RPS6KA2: variants seen among roughly 807,000 people sequenced by gnomAD.
RPS6KA2 encodes ribosomal protein S6 kinase alpha-2.
A neutral mutation model predicts 91.8 loss-of-function variants in RPS6KA2; 42 were observed. The observed-to-expected ratio is 0.46, with a 90% CI of 0.36 to 0.59. RPS6KA2 has a LOEUF of 0.59. Among genes scored for constraint, RPS6KA2 ranks in the 20% least tolerant of loss-of-function variants. The pLI, the probability that RPS6KA2 is intolerant of heterozygous loss-of-function variation, is 0.00. For synonymous variants in RPS6KA2, 414 were observed against 393.6 expected (o/e 1.05, Z -0.61); for missense variants, 798 against 978.5 (o/e 0.82, Z 2.46).
At position 166,447,948 on chromosome 6, in the gene RPS6KA2, T is replaced by A. The variant is rs954109321; in HGVS notation, c.1332+776A>T. Among the ~76,000 whole-genome samples, 2 of 152,132 alleles carry A rather than the reference T, an allele frequency of 1.3e-5. 1 individual carries two copies. The highest frequency in any genetic ancestry group is 2.9e-5 in the Non-Finnish European group (2 of 68,038). On this transcript the variant is annotated intron_variant, in intron 14 of 20. Coordinates refer to ENST00000265678, the MANE Select transcript of RPS6KA2 (RefSeq NM_021135.6). Reference sequence around the variant, plus strand: ...GCTGTCTTTTGGAGAGGATGTACAATGTATCTTTTTTTAACATAAATTTCA... The same window carrying A: ...GCTGTCTTTTGGAGAGGATGTACAAAGTATCTTTTTTTAACATAAATTTCA...
chr6:166,449,190 A>G (rs759633530), intron 13 of RPS6KA2, among the ~76,000 whole-genome samples: 5 of 152,190 alleles, frequency 3.3e-5, no homozygotes, highest in Non-Finnish European at 7.4e-5. Flanking sequence ...CGTGGCTCCA[A>G]TGCCTGTGTG....
At chr6:166,457,230 C>T (rs1219388966) in intron 12 of RPS6KA2, among the ~76,000 whole-genome samples, 1 of 152,212 alleles carries the variant, frequency 6.6e-6, no homozygotes, top group African/African-American at 2.4e-5. Flanking sequence ...CTCTGAGCTC[C>T]TTTTACATTC....
In RPS6KA2 at chr6:166,413,863, G is replaced by A; in HGVS notation, c.2007C>T (p.His669=). The change falls in exon 20 of 21, where the codon CAC becomes CAT. Residue 669 remains histidine (H), a synonymous_variant. Transcript: ENST00000265678. The part of the protein sequence containing the change: ...QRLTAMQVLK[H]PWVVNREYLS... ...GGTACTCTCTGTTGACCACCCACGG[G>A]TGTTTGAGCACTTGCATCGCCGTCA... The A allele has an allele frequency of 6.2e-7, 1 of 1,614,160 alleles. No homozygotes were observed. The highest frequency in any genetic ancestry group is 1.6e-4 in the Middle Eastern group (1 of 6,062).
At chr6:166,592,022 G>A (rs574657124) in intron 1 of RPS6KA2, among the ~76,000 whole-genome samples, 13 of 152,180 alleles carry the variant, frequency 8.5e-5, no homozygotes, top group African/African-American at 3.1e-4. Context: ...AATGATGGAC[G>A]TTCTGTTTAA....
intron 2 of RPS6KA2, among the ~76,000 whole-genome samples, chr6:166,837,406 C>G (rs1265374914): frequency 6.6e-6 from 1 of 152,224 alleles, no homozygotes; most frequent in Non-Finnish European, 1.5e-5. Context: ...CCTCTCAGAG[C>G]TCCCACCTCT....
intron 2 of RPS6KA2, among the ~76,000 whole-genome samples, chr6:166,854,317 T>A (rs1780828030): frequency 6.6e-6 from 1 of 152,178 alleles, no homozygotes; most frequent in South Asian, 2.1e-4. Context: ...AACCGTAACG[T>A]GAGGAATCAC....
chr6:166,632,196 C>T (rs1272308055), upstream of RPS6KA2, among the ~76,000 whole-genome samples: 3 of 152,098 alleles, frequency 2.0e-5, no homozygotes, highest in Non-Finnish European at 4.4e-5. Flanking sequence ...GTATGATGTC[C>T]CCAGGCCCAC....
chr6:166,517,477 T>TTTTG (rs1782695287), intron 3 of RPS6KA2, among the ~76,000 whole-genome samples: 1 of 137,244 alleles, frequency 7.3e-6, no homozygotes, highest in African/African-American at 2.8e-5. Context: ...TTTTTTTTTT[T>TTTTG]TTTTTTTTTG....
chr6:166,719,870 T>C (rs1405743855), intron 2 of RPS6KA2, among the ~76,000 whole-genome samples: 1 of 152,210 alleles, frequency 6.6e-6, no homozygotes, highest in Non-Finnish European at 1.5e-5. Context: ...TAAAGAATGT[T>C]CATATTATAA....
At chr6:166,728,429 TAA>T (rs904135215) in intron 2 of RPS6KA2, among the ~76,000 whole-genome samples, 3 of 152,102 alleles carry the variant, frequency 2.0e-5, no homozygotes, top group Non-Finnish European at 4.4e-5. Flanking sequence ...TTGCAGTGGA[TAA>T]AAAAGAGTCA....
Position 166,770,712 on chromosome 6 carries a change from G to T in RPS6KA2, c.123+87488C>A. The T allele has an allele frequency of 1.4e-6, 1 of 704,530 alleles. No homozygotes were observed. The highest frequency in any genetic ancestry group is 2.3e-6 in the Non-Finnish European group (1 of 427,330). The allele number at this position is 704,530 out of a possible 1,614,324, so 43.6% of individuals were successfully genotyped here. A position where few individuals can be genotyped will look rare whatever the true frequency, so the allele number is the denominator to read the frequency against. On this transcript the variant is annotated intron_variant, in intron 2 of 21. Transcript: ENST00000503859. The surrounding 1 kb of genome is among the most constrained non-coding windows in gnomAD (Gnocchi z 5.1). Reference sequence around the variant, plus strand: ...TCACATTTTCCTGTGGAGTGGTCCAGCCTTCTAAAAGCTCTTCGCACCTTG... The same window carrying T: ...TCACATTTTCCTGTGGAGTGGTCCATCCTTCTAAAAGCTCTTCGCACCTTG...
Position 166,635,211 on chromosome 6 carries a change from G to C in RPS6KA2, c.124-96427C>G, listed in dbSNP as rs1787195910. On this transcript the variant is annotated intron_variant, in intron 2 of 21. Transcript: ENST00000503859. This position sits in a 1 kb window ranked among gnomAD's most constrained non-coding sequence, Gnocchi z 4.8. Reference sequence around the variant, plus strand: ...TGAATGAGTTAGAGAACCACGGCAGGAGCCCAGTGTCATTCATCAACCCAG... The same window carrying C: ...TGAATGAGTTAGAGAACCACGGCAGCAGCCCAGTGTCATTCATCAACCCAG... 6.6e-6 allele frequency among the ~76,000 whole-genome samples: 1 copy of C among 152,190 alleles called. No individual in the cohort carries two copies. The highest frequency in any genetic ancestry group is 1.5e-5 in the Non-Finnish European group (1 of 68,030).
intron 2 of RPS6KA2, among the ~76,000 whole-genome samples, chr6:166,661,231 G>C (rs1788154551): frequency 6.6e-6 from 1 of 152,116 alleles, no homozygotes; most frequent in African/African-American, 2.4e-5. Context: ...CTGCTAAGTA[G>C]CTGGGATCAC....
chr6:166,621,232 G>A (rs140918651), intron 1 of RPS6KA2, among the ~76,000 whole-genome samples: 262 of 152,282 alleles, frequency 1.7e-3, no homozygotes, highest in Middle Eastern at 3.4e-3. Context: ...TTGGCTGGTC[G>A]GAAACACTGC....
intron 2 of RPS6KA2, among the ~76,000 whole-genome samples, chr6:166,689,760 A>G (rs902469683): frequency 6.6e-6 from 1 of 152,200 alleles, no homozygotes; most frequent in East Asian, 1.9e-4. Context: ...AAAACCATCC[A>G]ACTGTAGCTG....
At chr6:166,436,898 C>T (rs1039877635) in intron 14 of RPS6KA2, among the ~76,000 whole-genome samples, 1 of 152,132 alleles carries the variant, frequency 6.6e-6, no homozygotes, top group African/African-American at 2.4e-5. Flanking sequence ...TTCCCCTGAC[C>T]CGGGAGAATT....
At chr6:166,475,155 C>CACTCCTGCTGCCAGCAG (rs59940877) in intron 10 of RPS6KA2, among the ~76,000 whole-genome samples, 1 of 95,024 alleles carries the variant, frequency 1.1e-5, no homozygotes, top group African/African-American at 9.2e-5. Context: ...GGGATGTGCC[C>CACTCCTGCTGCCAGCAG]CAGCCTGTGG....
In RPS6KA2 at chr6:166,821,788, C is replaced by T. The variant is rs1340781639; in HGVS notation, c.123+36412G>A. 5.3e-5 allele frequency among the ~76,000 whole-genome samples: 8 copies of T among 152,126 alleles called. No homozygotes were observed. Among genetic ancestry groups the T allele is most frequent in the Admixed American group, 6.5e-5 (1 of 15,274 alleles). On this transcript the variant is annotated intron_variant, in intron 2 of 21. Transcript: ENST00000503859. The surrounding 1 kb of genome is among the most constrained non-coding windows in gnomAD (Gnocchi z 4.1). ...CCTTCTGTGACCTCCCTCCTAAGGCCGCCTACTTGCCCTCTCCACCTGTCT... is the reference window on the plus strand; with the variant it reads ...CCTTCTGTGACCTCCCTCCTAAGGCTGCCTACTTGCCCTCTCCACCTGTCT...
rs1778362570 is a variant in RPS6KA2, at chr6:166,767,848, G to A, written c.123+90352C>T. Among the ~76,000 whole-genome samples the A allele has an allele frequency of 6.6e-6, 1 of 152,080 alleles. No individual in the cohort carries two copies. The highest frequency in any genetic ancestry group is 2.4e-5 in the African/African-American group (1 of 41,406). Reference sequence around the variant, plus strand: ...GTCAGGCAGCCGGCCACCACAGAGTGTGTGCGGGGATTGCTAACCATGGCA... The same window carrying A: ...GTCAGGCAGCCGGCCACCACAGAGTATGTGCGGGGATTGCTAACCATGGCA... On this transcript the variant is annotated intron_variant, in intron 2 of 21. Transcript: ENST00000503859. The surrounding 1 kb of genome is among the most constrained non-coding windows in gnomAD (Gnocchi z 4.6).
Sources: gnomAD v4.1 joint callset for allele counts (sites outside exome capture counted in the v4.1 genomes callset) on GRCh38, gnomAD v4.1.1 for gene constraint, Gnocchi (gnomAD v3.1) non-coding constraint, MANE v1.5 for transcripts, NCBI Gene and HGNC (gene_info 2026-07-23, HGNC 2026-07-21) for gene names.